The following G3BP2 variants were observed in gnomAD, a reference collection of about 807,000 sequenced individuals.
G3BP2 encodes the protein ras GTPase-activating protein-binding protein 2.
In G3BP2, 11 loss-of-function variants were observed where a neutral mutation model predicts 56.7. That is an observed-to-expected ratio of 0.19 (90% CI 0.12 to 0.32). The LOEUF (loss-of-function observed/expected upper bound fraction) is 0.32. Among genes scored for constraint, G3BP2 ranks in the 10% least tolerant of loss-of-function variants. The pLI, the probability that G3BP2 is intolerant of heterozygous loss-of-function variation, is 1.00. For missense variants in G3BP2, 340 were observed against 610.9 expected (o/e 0.56, Z 4.67); for synonymous variants, 165 against 191.6 (o/e 0.86, Z 1.15).
chr4:75,691,400 G>A (rs1172290427), intron 3 of G3BP2, among the ~76,000 whole-genome samples: 3 of 151,896 alleles, frequency 2.0e-5, no homozygotes, highest in African/African-American at 7.3e-5. Context: ...TTAGAGATGG[G>A]GTCTCACTAT....
chr4:75,699,167 A>G (rs1349146632), intron 3 of G3BP2, among the ~76,000 whole-genome samples: 1 of 152,160 alleles, frequency 6.6e-6, no homozygotes, highest in East Asian at 1.9e-4. Flanking sequence ...TTTCCTCTCC[A>G]CTGGCTCATT....
At chr4:75,697,310 A>C (rs1719166734) in intron 3 of G3BP2, among the ~76,000 whole-genome samples, 1 of 148,052 alleles carries the variant, frequency 6.8e-6, no homozygotes, top group African/African-American at 2.5e-5. Context: ...AAGATCATGA[A>C]ATTGAGGTGT....
At chr4:75,676,336 A>ATTTTTTTTTTTTTTTTTTTTTTTTT (rs34017434), upstream of G3BP2, among the ~76,000 whole-genome samples, 1 of 92,078 alleles carries the variant, frequency 1.1e-5, no homozygotes. Context: ...ATTGCCAATA[A>ATTTTTTTTTTTTTTTTTTTTTTTTT]TTTTTTTTTT....
At chr4:75,670,362 C>CT (rs1733389367) in intron 1 of G3BP2, 1 of 152,062 alleles carries the variant, frequency 6.6e-6, no homozygotes, top group Admixed American at 6.5e-5. Context: ...AACACTATAC[C>CT]TTTTTAAAGA....
chr4:75,646,233 T>A (rs1731200294), intron 11 of G3BP2, 105 bp downstream of exon 11: 2 of 655,772 alleles, frequency 3.0e-6, no homozygotes, highest in African/African-American at 3.9e-5. Context: ...TAATAACTAT[T>A]TTTAGCTTTA....
chr4:75,651,522 T>C (rs1274591447), intron 8 of G3BP2, among the ~76,000 whole-genome samples: 1 of 152,168 alleles, frequency 6.6e-6, no homozygotes, highest in African/African-American at 2.4e-5. Flanking sequence ...ATGATGCCAG[T>C]TTAAGAAAAA....
At chr4:75,686,228 G>T (rs1386996064) in intron 3 of G3BP2, among the ~76,000 whole-genome samples, 1 of 151,970 alleles carries the variant, frequency 6.6e-6, no homozygotes, top group African/African-American at 2.4e-5. Flanking sequence ...ATCTGGAAAA[G>T]GCCAGTAAAA....
chr4:75,697,273 C>CAAAAAAAAAAAAAAAAAAAAA (rs869037819), intron 3 of G3BP2, among the ~76,000 whole-genome samples: 13 of 28,830 alleles, frequency 4.5e-4, no homozygotes, highest in East Asian at 1.4e-3. Context: ...GACTCTGTCT[C>CAAAAAAAAAAAAAAAAAAAAA]AAAAAAAAAA....
chr4:75,667,577 G>A (rs971917310), intron 1 of G3BP2, among the ~76,000 whole-genome samples: 11 of 152,016 alleles, frequency 7.2e-5, no homozygotes, highest in Non-Finnish European at 1.5e-4. Flanking sequence ...GAACAAATCC[G>A]TCTTTTACTT....
intron 3 of G3BP2, among the ~76,000 whole-genome samples, chr4:75,703,412 C>T (rs1327401699): frequency 2.0e-5 from 3 of 152,156 alleles, no homozygotes; most frequent in Admixed American, 6.5e-5. Flanking sequence ...CCCTTAGTCA[C>T]GTATGCAACT....
At chr4:75,721,404 G>C (rs994397081) in intron 2 of G3BP2, among the ~76,000 whole-genome samples, 6 of 151,886 alleles carry the variant, frequency 4.0e-5, no homozygotes, top group African/African-American at 1.5e-4. Flanking sequence ...GAATACAGGC[G>C]CATGCCACCA....
chr4:75,647,565 A>G (rs2148946064), intron 9 of G3BP2, among the ~76,000 whole-genome samples: 1 of 152,338 alleles, frequency 6.6e-6, no homozygotes, highest in South Asian at 2.1e-4. Flanking sequence ...AGCAATCAGT[A>G]AATTTTAACA....
At chr4:75,673,751 G>A (rs917524467), upstream of G3BP2, 2 of 508,104 alleles carry the variant, frequency 3.9e-6, no homozygotes, top group Non-Finnish European at 6.0e-6. Flanking sequence ...GTCTTTTGTA[G>A]ACTGATATTC....
chr4:75,668,530 G>A (rs2149031838), intron 1 of G3BP2, among the ~76,000 whole-genome samples: 1 of 152,270 alleles, frequency 6.6e-6, no homozygotes, highest in East Asian at 1.9e-4. Flanking sequence ...AACGCGAGTT[G>A]TCCAAATATC....
chr4:75,658,640 C>A (rs1272063067), intron 3 of G3BP2, among the ~76,000 whole-genome samples: 1 of 151,470 alleles, frequency 6.6e-6, no homozygotes, highest in Non-Finnish European at 1.5e-5. Context: ...GGCAGGAGAA[C>A]TGCTTGAACC....
Position 75,655,788 on chromosome 4 carries a change from G to A in G3BP2, c.525C>T (p.Tyr175=), listed in dbSNP as rs1227293209. 6 of 1,587,570 alleles carry A rather than the reference G, an allele frequency of 3.8e-6. No individual in the cohort carries two copies. In the South Asian group the frequency reaches 5.5e-5, roughly 15 times the overall value. The change falls in exon 6 of 12, where the codon TAC becomes TAT. Residue 175 remains tyrosine, a synonymous_variant. Transcript: ENST00000359707. ...CTTACGTCACAGGGTGAGCTTCATA[G>A]TAACCACTGTTAGCATTTTCTTGCA... ...EPVQENANSG[Y]YEAHPVTNGI... is the part of the protein sequence containing the mutation.
At chr4:75,702,977 A>G (rs1456517545) in intron 3 of G3BP2, among the ~76,000 whole-genome samples, 3 of 152,226 alleles carry the variant, frequency 2.0e-5, no homozygotes, top group South Asian at 4.1e-4. Context: ...TATGATCTCC[A>G]TATCAGGGAG....
chr4:75,687,225 T>C (rs1266130059), intron 3 of G3BP2, among the ~76,000 whole-genome samples: 1 of 152,158 alleles, frequency 6.6e-6, no homozygotes, highest in African/African-American at 2.4e-5. Context: ...GGGAGATAAC[T>C]GAATCATGGG....
intron 5 of G3BP2, 123 bp from the exon 6 acceptor site, chr4:75,655,993 C>CT (rs373392333): frequency 0.11 from 53,835 of 486,322 alleles, no homozygotes; most frequent in South Asian, 0.13. Flanking sequence ...ATTTTCTTTC[C>CT]TTTTTTTTTT....
Sources: allele counts gnomAD v4.1 joint callset (sites outside exome capture counted in the v4.1 genomes callset), GRCh38; gene constraint gnomAD v4.1.1; transcripts MANE v1.5; gene names NCBI Gene and HGNC (gene_info 2026-07-23, HGNC 2026-07-21).